Variants in MCPH1 observed in about 807,000 individuals in gnomAD.
The protein encoded by MCPH1 is microcephalin 1, also known as microcephalin.
A neutral mutation model predicts 84.5 loss-of-function variants in MCPH1; 104 were observed. That is an observed-to-expected ratio of 1.23 (90% CI 1.05 to 1.45). MCPH1 has a LOEUF of 1.45. MCPH1 is among the 40% of genes most tolerant of loss of function. The pLI, the probability that MCPH1 is intolerant of heterozygous loss-of-function variation, is 0.00. For synonymous variants in MCPH1, 514 were observed against 366.8 expected, an observed-to-expected ratio of 1.40 and a Z score of -4.58; for missense variants, 1,498 against 1,005.7, an observed-to-expected ratio of 1.49 and a Z score of -6.62.
intron 12 of MCPH1, among the ~76,000 whole-genome samples, chr8:6,555,485 A>G (rs925283063): frequency 3.4e-5 from 5 of 146,356 alleles, no homozygotes; most frequent in African/African-American, 1.3e-4. Context: ...TTTTGGAGAC[A>G]GGATCTCACT....
intron 11 of MCPH1, 69 bp downstream of exon 11, chr8:6,480,945 C>G (rs895839826): frequency 4.5e-6 from 7 of 1,555,560 alleles, no homozygotes; most frequent in Admixed American, 3.3e-5. Context: ...CCCTGAGGTG[C>G]CGACATCAGC....
intron 13 of MCPH1, among the ~76,000 whole-genome samples, chr8:6,634,130 A>T (rs983411867): frequency 6.6e-6 from 1 of 152,216 alleles, no homozygotes; most frequent in African/African-American, 2.4e-5. Context: ...TAGTGTATTG[A>T]AAAACTAGAT....
intron 12 of MCPH1, among the ~76,000 whole-genome samples, chr8:6,524,610 T>G (rs917814102): frequency 1.3e-5 from 2 of 152,230 alleles, no homozygotes; most frequent in South Asian, 2.1e-4. Context: ...ATGTACGAGG[T>G]GTTTTTTAGG....
chr8:6,597,483 C>T (rs1449973746), intron 12 of MCPH1, among the ~76,000 whole-genome samples: 3 of 152,034 alleles, frequency 2.0e-5, no homozygotes, highest in African/African-American at 4.8e-5. Flanking sequence ...TTGGAAATAC[C>T]GAAGACTGTG....
chr8:6,622,135 C>G (rs561312343), intron 13 of MCPH1: 1 of 274,998 alleles, frequency 3.6e-6, no homozygotes, highest in Non-Finnish European at 7.2e-6. Flanking sequence ...CATGATCACT[C>G]CGTCTGCTCA....
chr8:6,533,569 C>CTTTTTTTTT (rs56882906), intron 12 of MCPH1, among the ~76,000 whole-genome samples: 1 of 113,340 alleles, frequency 8.8e-6, no homozygotes, highest in African/African-American at 3.3e-5. Context: ...CGTTTAGTTT[C>CTTTTTTTTT]TTTTTTTTTT....
chr8:6,471,711 T>A (rs894393519), intron 9 of MCPH1, among the ~76,000 whole-genome samples: 1 of 152,164 alleles, frequency 6.6e-6, no homozygotes, highest in Admixed American at 6.5e-5. Flanking sequence ...GTTATAGAAA[T>A]CCTCTTCCCC....
intron 12 of MCPH1, among the ~76,000 whole-genome samples, chr8:6,606,112 G>T (rs1829755202): frequency 6.6e-6 from 1 of 152,176 alleles, no homozygotes; most frequent in African/African-American, 2.4e-5. Context: ...AAGTTCAGTG[G>T]CTCCTGTAGG....
intron 12 of MCPH1, among the ~76,000 whole-genome samples, chr8:6,592,497 TA>T (rs1828546926): frequency 6.6e-6 from 1 of 152,126 alleles, no homozygotes; most frequent in African/African-American, 2.4e-5. Flanking sequence ...ATTATAAAGT[TA>T]AAGCTCCCTT....
chr8:6,531,221 C>T (rs1389685404), intron 12 of MCPH1, among the ~76,000 whole-genome samples: 1 of 151,792 alleles, frequency 6.6e-6, no homozygotes, highest in Non-Finnish European at 1.5e-5. Flanking sequence ...TAGCATGTCT[C>T]TCGGTGAATT....
At chr8:6,460,300 T>C (rs1462328997) in intron 9 of MCPH1, among the ~76,000 whole-genome samples, 2 of 152,178 alleles carry the variant, frequency 1.3e-5, no homozygotes, top group South Asian at 2.1e-4. Flanking sequence ...TTTGACTCTT[T>C]TTAAGTCTAT....
At chr8:6,601,991 C>T (rs976878883) in intron 12 of MCPH1, among the ~76,000 whole-genome samples, 3 of 152,200 alleles carry the variant, frequency 2.0e-5, no homozygotes, top group Admixed American at 2.0e-4. Flanking sequence ...TATGTCTCTT[C>T]TGCTAGATGA....
At chr8:6,559,269 T>C (rs969120931) in intron 12 of MCPH1, among the ~76,000 whole-genome samples, 17 of 81,504 alleles carry the variant, frequency 2.1e-4, no homozygotes, top group African/African-American at 4.2e-4. Context: ...ACAGAGTCCC[T>C]AGCAAGGGCA....
intron 11 of MCPH1, among the ~76,000 whole-genome samples, chr8:6,487,375 T>G (rs567215406): frequency 6.6e-6 from 1 of 152,306 alleles, no homozygotes; most frequent in East Asian, 1.9e-4. Flanking sequence ...AATAACACAC[T>G]CAGTTCATTC....
At chr8:6,422,043 G>C (rs1043122567) in intron 3 of MCPH1, among the ~76,000 whole-genome samples, 1 of 152,184 alleles carries the variant, frequency 6.6e-6, no homozygotes, top group Non-Finnish European at 1.5e-5. Context: ...AGCCCTATTT[G>C]TTATTCTCTG....
Position 6,647,623 on chromosome 8 carries a change from T to C in MCPH1, c.*4574T>C, listed in dbSNP as rs1323476987. ...TACTAAACACGTGCAACAACATGAATGAGCCTCAGAAACATAAGTGAAAGA... is the reference window on the plus strand; with the variant it reads ...TACTAAACACGTGCAACAACATGAACGAGCCTCAGAAACATAAGTGAAAGA... On this transcript the variant is annotated 3_prime_UTR_variant, in exon 14 of 14. Coordinates refer to ENST00000344683, the MANE Select transcript of MCPH1 (RefSeq NM_024596.5). 6.6e-6 allele frequency: 1 copy of C among 151,924 alleles called. No individual in the cohort carries two copies. The highest frequency in any genetic ancestry group is 2.4e-5 in the African/African-American group (1 of 41,190). The allele number at this position is 151,924 out of a possible 1,614,324, so 9.4% of individuals were successfully genotyped here.
rs1042003676 is a variant in MCPH1 at position 6,625,969 on chromosome 8, A to G, written c.2452+4278A>G. The stretch of plus-strand genomic sequence containing the variant: ...TTATTATTATTAGTATTCTGTGGCC[A>G]GAGGAGGGAAAGGAAGGTGGGTACT... On this transcript the variant is annotated intron_variant, in intron 13 of 13. Transcript: ENST00000344683. The G allele has an allele frequency of 3.1e-5, 31 of 985,134 alleles. 1 individual carries two copies. In the Admixed American group the frequency reaches 1.7e-3, roughly 55 times the overall value. 61.0% of individuals were successfully genotyped at this position (985,134 alleles called of 1,614,324 possible). A position where few individuals can be genotyped will look rare whatever the true frequency, so the allele number is the denominator to read the frequency against.
At chr8:6,551,909 T>C (rs1823716138) in intron 12 of MCPH1, among the ~76,000 whole-genome samples, 1 of 152,212 alleles carries the variant, frequency 6.6e-6, no homozygotes, top group African/African-American at 2.4e-5. Context: ...GCTACATCTG[T>C]ATGTAATAAT....
chr8:6,450,297 A>T (rs1335457581), intron 8 of MCPH1, among the ~76,000 whole-genome samples: 4 of 152,088 alleles, frequency 2.6e-5, no homozygotes, highest in Middle Eastern at 3.4e-3. Flanking sequence ...CCACAAATTG[A>T]CCAATATGCT....
Sources: allele counts gnomAD v4.1 joint callset (sites outside exome capture counted in the v4.1 genomes callset), GRCh38; gene constraint gnomAD v4.1.1; transcripts MANE v1.5; gene names NCBI Gene and HGNC (gene_info 2026-07-23, HGNC 2026-07-21).